The following MOSPD2 variants were observed in gnomAD, a reference collection of about 807,000 sequenced individuals.
MOSPD2 encodes motile sperm domain-containing protein 2.
MOSPD2 carries 5 observed loss-of-function variants against 41.7 expected under a neutral mutation model. That is an observed-to-expected ratio of 0.12 (90% confidence interval 0.06 to 0.25). MOSPD2 has a LOEUF of 0.25. MOSPD2 is among the 10% of genes least tolerant of loss of function. The probability of loss-of-function intolerance (pLI) is 1.00; values close to 1 mark genes in which losing one functional copy is unlikely to be tolerated. For missense variants in MOSPD2, 282 were observed against 375.2 expected (o/e 0.75, Z 2.05); for synonymous variants, 115 against 126.9 (o/e 0.91, Z 0.63).
At position 14,893,999 on chromosome X, in the gene MOSPD2, A is replaced by T. The variant is rs181389585; in HGVS notation, c.235+1121A>T. Among the ~76,000 whole-genome samples the T allele has an allele frequency of 3.9e-3, 437 of 112,545 alleles. 2 individuals carry two copies. Among genetic ancestry groups the T allele is most frequent in the Non-Finnish European group, 5.3e-3 (282 of 53,262 alleles). On this transcript the variant is annotated intron_variant, in intron 3 of 14. Coordinates refer to ENST00000380492, the MANE Select transcript of MOSPD2 (RefSeq NM_152581.4). ...GGTACTGCTGGTGAATGAAACAAAA[A>T]CATTGGCATTTGCTGCCTTGCTATG...
At chrX:14,893,720 G>GGAAT (rs1330429557) in intron 3 of MOSPD2, among the ~76,000 whole-genome samples, 5 of 112,446 alleles carry the variant, frequency 4.4e-5, no homozygotes, top group African/African-American at 1.6e-4. Context: ...GCTTGCAGAA[G>GGAAT]GAATCCCTGA....
rs2092589136 is a variant in MOSPD2, at chrX:14,910,168, A to T, written c.703-1069A>T. Among the ~76,000 whole-genome samples, 3 of 110,469 alleles carry T rather than the reference A, an allele frequency of 2.7e-5. No homozygotes were observed. In the Admixed American group the frequency reaches 2.9e-4, roughly 11 times the overall value. ...AGTATTTTTTTTCAAAAAATAATACATATACATGATTTTTTAATAAAGTAA... is the reference window on the plus strand; with the variant it reads ...AGTATTTTTTTTCAAAAAATAATACTTATACATGATTTTTTAATAAAGTAA... On this transcript the variant is annotated intron_variant, in intron 8 of 14. Transcript: ENST00000380492.
chrX:14,876,847 A>G (rs761690714), intron 2 of MOSPD2, among the ~76,000 whole-genome samples: 2 of 111,892 alleles, frequency 1.8e-5, no homozygotes, highest in African/African-American at 3.3e-5. Context: ...GTGCTGAAAT[A>G]TTTTCTGTAA....
In MOSPD2 at chrX:14,918,675, A is replaced by C; in HGVS notation, c.1317-5A>C. 3 of 1,123,395 alleles carry C rather than the reference A, an allele frequency of 2.7e-6. No homozygotes were observed. The South Asian group carries it at 5.9e-5, about 22-fold the overall frequency. The allele number at this position is 1,123,395 out of a possible 1,213,427, so 92.6% of individuals were successfully genotyped here. A position where few individuals can be genotyped will look rare whatever the true frequency, so the allele number is the denominator to read the frequency against. Reference sequence around the variant, plus strand: ...AGAAGTTATGTTTTCTTTGGATTTTAATAGGTTAAGATGCCATACTGTTGA... The same window carrying C: ...AGAAGTTATGTTTTCTTTGGATTTTCATAGGTTAAGATGCCATACTGTTGA... On this transcript the variant is annotated splice_region_variant and splice_polypyrimidine_tract_variant and intron_variant, in intron 13 of 14. Transcript: ENST00000380492.
At position 14,910,089 on chromosome X, in the gene MOSPD2, C is replaced by T. The variant is rs5934199; in HGVS notation, c.702+1105C>T. On this transcript the variant is annotated intron_variant, in intron 8 of 14. Coordinates refer to ENST00000380492, the MANE Select transcript of MOSPD2 (RefSeq NM_152581.4). ...CTCTGTCCTTAGTGATATGTTTCTT[C>T]AGAATTACAGTCAAAATTATAGTAG... 8.5e-3 allele frequency among the ~76,000 whole-genome samples: 936 copies of T among 110,171 alleles called. 10 individuals carry two copies. The highest frequency in any genetic ancestry group is 0.012 in the Non-Finnish European group (653 of 52,673).
intron 7 of MOSPD2, among the ~76,000 whole-genome samples, chrX:14,908,633 A>G (rs2092586394): frequency 8.9e-6 from 1 of 111,909 alleles, no homozygotes; most frequent in South Asian, 3.7e-4. Flanking sequence ...ACATCAGGGT[A>G]ATTTAATCTT....
intron 5 of MOSPD2, among the ~76,000 whole-genome samples, chrX:14,897,848 G>A (rs1224379721): frequency 8.9e-6 from 1 of 111,935 alleles, no homozygotes; most frequent in Admixed American, 9.5e-5. Context: ...TTTAATTTGG[G>A]TCCTTGTGAC....
At chrX:14,905,213 C>A (rs922976811) in intron 7 of MOSPD2, among the ~76,000 whole-genome samples, 1 of 112,151 alleles carries the variant, frequency 8.9e-6, no homozygotes, top group Non-Finnish European at 1.9e-5. Context: ...CAAGACAACA[C>A]TGTCTCTCTT....
Position 14,874,177 on chromosome X carries a change from T to C in MOSPD2, c.79+419T>C. ...TACTTAATTGGGTATACAAATTCCT[T>C]GGATATTTTGTTTGATTTGGCTTTC... On this transcript the variant is annotated intron_variant, in intron 2 of 14. Transcript: ENST00000380492. 2 of 142,184 alleles carry C rather than the reference T, an allele frequency of 1.4e-5. 1 individual carries two copies. Among genetic ancestry groups the C allele is most frequent in the Non-Finnish European group, 2.8e-5 (2 of 70,716 alleles). The allele number at this position is 142,184 out of a possible 1,213,427, so 11.7% of individuals were successfully genotyped here. A position where few individuals can be genotyped will look rare whatever the true frequency, so the allele number is the denominator to read the frequency against.
chrX:14,904,196 A>T (rs1259230700), intron 7 of MOSPD2, among the ~76,000 whole-genome samples: 3 of 111,889 alleles, frequency 2.7e-5, no homozygotes, highest in African/African-American at 9.7e-5. Flanking sequence ...AGGAAAAGAA[A>T]ACTACAGACT....
chrX:14,886,498 T>TACATACACAC lies in MOSPD2; in HGVS notation c.80-6211_80-6202dup, dbSNP rs199950495. 6.8e-3 allele frequency among the ~76,000 whole-genome samples: 723 copies of TACATACACAC among 107,088 alleles called. 9 individuals carry two copies. The highest frequency in any genetic ancestry group is 0.023 in the African/African-American group (669 of 29,316). 93.0% of individuals were successfully genotyped at this position (107,088 alleles called of 115,157 possible). A position where few individuals can be genotyped will look rare whatever the true frequency, so the allele number is the denominator to read the frequency against. The stretch of plus-strand genomic sequence containing the variant: ...TGAGCCGAGCCTTTTAAAGGGTTGT[T>TACATACACAC]ACATACACACACATACACACACACA... On this transcript the variant is annotated intron_variant, in intron 2 of 14. Transcript: ENST00000380492.
chrX:14,897,359 A>G (rs2092564830), intron 5 of MOSPD2, 121 bp downstream of exon 5: 2 of 529,356 alleles, frequency 3.8e-6, no homozygotes, highest in South Asian at 9.4e-5. Flanking sequence ...TTAGGGATTT[A>G]TTTTTTCACC....
At chrX:14,900,217 A>G (rs371348254) in intron 5 of MOSPD2, among the ~76,000 whole-genome samples, 10 of 112,301 alleles carry the variant, frequency 8.9e-5, no homozygotes, top group African/African-American at 3.2e-4. Flanking sequence ...ACTTGTTTCA[A>G]TAATTCTTTA....
intron 12 of MOSPD2, 147 bp downstream of exon 12, chrX:14,915,911 CT>C: frequency 1.7e-6 from 1 of 592,855 alleles, no homozygotes; most frequent in Non-Finnish European, 2.7e-6. Context: ...CTGTAGACAT[CT>C]TTTTTCCCAC....
Position 14,914,510 on chromosome X carries a change from G to C in MOSPD2, c.1000G>C (p.Glu334Gln). ...KGPLLHISPA[E>Q]ELYFGSTESG... is the part of the protein sequence containing the mutation. ...GTTTTTGTCACTCCCTAGCCCAGCAGAAGAACTGTACTTTGGAAGTACAGA... is the reference window on the plus strand; with the variant it reads ...GTTTTTGTCACTCCCTAGCCCAGCACAAGAACTGTACTTTGGAAGTACAGA... The change falls in exon 11 of 15, where the codon GAA (glutamate) becomes CAA (glutamine). Residue 334 changes from glutamate (E) to glutamine (Q), a missense_variant. Glu to Gln is a conservative substitution (Grantham distance 29). Around this residue, in one of 3 missense-constraint regions of MOSPD2, gnomAD observed 187 missense variants for 256.6 expected, o/e 0.73. Transcript: ENST00000380492. The C allele has an allele frequency of 1.7e-6, 2 of 1,180,742 alleles. No homozygotes were observed. Among genetic ancestry groups the C allele is most frequent in the Non-Finnish European group, 2.3e-6 (2 of 874,829 alleles).
In MOSPD2 at chrX:14,921,349, C is replaced by T. The variant is rs1387738509; in HGVS notation, c.*1540C>T. 1.1e-6 allele frequency: 1 copy of T among 935,009 alleles called. No homozygotes were observed. Among genetic ancestry groups the T allele is most frequent in the East Asian group, 4.2e-5 (1 of 23,954 alleles). The allele number at this position is 935,009 out of a possible 1,213,427, so 77.1% of individuals were successfully genotyped here. A position where few individuals can be genotyped will look rare whatever the true frequency, so the allele number is the denominator to read the frequency against. On this transcript the variant is annotated 3_prime_UTR_variant, in exon 15 of 15. Transcript: ENST00000380492. ...ACCTTAAAAGGACACTGGTGTGCTA[C>T]TTTGTCTTAATTTGGGCTTTTCTGT... is the stretch of plus-strand genomic sequence containing the variant.
At chrX:14,873,599 G>C in intron 1 of MOSPD2, 62 bp downstream of exon 1, 1 of 1,209,055 alleles carries the variant, frequency 8.3e-7, no homozygotes, top group Admixed American at 2.2e-5. Flanking sequence ...TGAGGCCCGG[G>C]GACCGAGCGC....
intron 2 of MOSPD2, among the ~76,000 whole-genome samples, chrX:14,889,204 G>A (rs975888592): frequency 3.6e-5 from 4 of 110,751 alleles, no homozygotes; most frequent in Non-Finnish European, 7.6e-5. Context: ...CCTCTTAAAG[G>A]CCCTACTCTT....
In MOSPD2 at chrX:14,921,993, A is replaced by AT. The variant is rs1315119060; in HGVS notation, c.*2185dup. ...TTTTCCATGAAAGCATTAGTGAAAT[A>AT]TCATTACCTTGATCTGCAAGTAGCC... is the stretch of plus-strand genomic sequence containing the variant. On this transcript the variant is annotated 3_prime_UTR_variant, in exon 15 of 15. Coordinates refer to ENST00000380492, the MANE Select transcript of MOSPD2 (RefSeq NM_152581.4). 6 of 111,775 alleles carry AT rather than the reference A, an allele frequency of 5.4e-5. No individual in the cohort carries two copies. The highest frequency in any genetic ancestry group is 2.0e-4 in the African/African-American group (6 of 30,759). The allele number at this position is 111,775 out of a possible 1,213,427, so 9.2% of individuals were successfully genotyped here.
Sources: gnomAD v4.1 joint callset for allele counts (sites outside exome capture counted in the v4.1 genomes callset) on GRCh38, gnomAD v4.1.1 for gene constraint, gnomAD v4.1.1 regional missense constraint, MANE v1.5 for transcripts, NCBI Gene and HGNC (gene_info 2026-07-23, HGNC 2026-07-21) for gene names.